JMJD4: variants seen among roughly 807,000 people sequenced by gnomAD.
JMJD4 encodes 2-oxoglutarate and iron-dependent oxygenase JMJD4.
In JMJD4, 34 loss-of-function variants were observed where a neutral mutation model predicts 36.3. That is an observed-to-expected ratio of 0.94 (90% CI 0.71 to 1.25). The LOEUF (loss-of-function observed/expected upper bound fraction) is 1.25. Among genes scored for constraint, JMJD4 ranks in the 50% most tolerant of loss-of-function variants. JMJD4 has a pLI of 0.00. For missense variants in JMJD4, 584 were observed against 559.1 expected, an observed-to-expected ratio of 1.04 and a Z score of -0.45; for synonymous variants, 269 against 235.3, an observed-to-expected ratio of 1.14 and a Z score of -1.31.
chr1:227,733,300 T>C, intron 4 of JMJD4, 114 bp downstream of exon 4: 1 of 1,181,216 alleles, frequency 8.5e-7, no homozygotes, highest in Non-Finnish European at 1.2e-6. Context: ...GGGGTCAGCC[T>C]CACCCATGAG....
rs530396402 is a variant in JMJD4, at chr1:227,734,541, G to A, written c.428+110C>T. 89 of 983,782 alleles carry A rather than the reference G, an allele frequency of 9.0e-5. No homozygotes were observed. The Admixed American group carries it at 1.6e-3, about 18-fold the overall frequency. 60.9% of individuals were successfully genotyped at this position (983,782 alleles called of 1,614,324 possible). ...TTTTAAACTGATTAAAGTGCCTCAC[G>A]GGGAAAAATAGCTCCGTTGTGCACC... On this transcript the variant is annotated intron_variant, in intron 2 of 5. Coordinates refer to ENST00000620518, the MANE Select transcript of JMJD4 (RefSeq NM_023007.3).
Position 227,735,261 on chromosome 1 carries a change from T to C in JMJD4, c.13A>G (p.Thr5Ala). Residue 5 changes from threonine (T) to alanine (A), a missense_variant, in exon 1 of 6, where the codon ACG becomes GCG. Physicochemically the swap from Thr to Ala is moderately conservative, Grantham distance 58 (BLOSUM62 0). Coordinates refer to ENST00000620518, the MANE Select transcript of JMJD4 (RefSeq NM_023007.3). MDRE[T>A]RALADSHFRG... ...AAGTGGCTGTCGGCGAGGGCGCGCGTCTCGCGGTCCATCCAGCTCAGCACG... is the reference window on the plus strand; with the variant it reads ...AAGTGGCTGTCGGCGAGGGCGCGCGCCTCGCGGTCCATCCAGCTCAGCACG... 8 of 1,604,568 alleles carry C rather than the reference T, an allele frequency of 5.0e-6. No individual in the cohort carries two copies. The highest frequency in any genetic ancestry group is 4.0e-5 in the African/African-American group (3 of 74,642).
Position 227,734,680 on chromosome 1 carries a change from A to G in JMJD4, c.399T>C (p.Cys133=), listed in dbSNP as rs1045285416. 1.2e-6 allele frequency: 2 copies of G among 1,613,984 alleles called. No individual in the cohort carries two copies. Among genetic ancestry groups the G allele is most frequent in the African/African-American group, 2.7e-5 (2 of 74,928 alleles). ...IQAGYSSPRG[C]LYLKDWHLCR... ...ACAAGTGCCAGTCTTTGAGGTAGAG[A>G]CAGCCCCTGGGAGAGGAGTAGCCCG... The change falls in exon 2 of 6, where the codon TGT becomes TGC. Residue 133 remains cysteine (C), a synonymous_variant. Transcript: ENST00000620518.
chr1:227,731,486 G>A lies in JMJD4; in HGVS notation c.*906C>T, dbSNP rs1157258935. ...GGACTCTCGGTCAAGGACAGGGCTG[G>A]GAGAGTGCCAGTCTCCACAAACTGT... On this transcript the variant is annotated 3_prime_UTR_variant, in exon 6 of 6. Coordinates refer to ENST00000620518, the MANE Select transcript of JMJD4 (RefSeq NM_023007.3). The A allele has an allele frequency of 6.6e-6, 1 of 152,288 alleles. No individual in the cohort carries two copies. The highest frequency in any genetic ancestry group is 2.4e-5 in the African/African-American group (1 of 41,460). 9.4% of individuals were successfully genotyped at this position (152,288 alleles called of 1,614,324 possible).
Position 227,734,912 on chromosome 1 carries a change from T to A in JMJD4, c.263-96A>T, listed in dbSNP as rs183182046. On this transcript the variant is annotated intron_variant, in intron 1 of 5. Transcript: ENST00000620518. Reference sequence around the variant, plus strand: ...CTCTCCAGGGGCCACGCGCCTGGCCTCCCTCACCCTCCCTGGTGCCCCTCT... The same window carrying A: ...CTCTCCAGGGGCCACGCGCCTGGCCACCCTCACCCTCCCTGGTGCCCCTCT... 795 of 1,530,616 alleles carry A rather than the reference T, an allele frequency of 5.2e-4. 3 individuals carry two copies. The Middle Eastern group carries it at 5.5e-3, about 10-fold the overall frequency. The allele number at this position is 1,530,616 out of a possible 1,614,324, so 94.8% of individuals were successfully genotyped here. A position where few individuals can be genotyped will look rare whatever the true frequency, so the allele number is the denominator to read the frequency against.
Position 227,732,312 on chromosome 1 carries a change from G to C in JMJD4, c.*80C>G. On this transcript the variant is annotated 3_prime_UTR_variant, in exon 6 of 6. Coordinates refer to ENST00000620518, the MANE Select transcript of JMJD4 (RefSeq NM_023007.3). ...AGGGGTGGGCCCCAGGTCACAGGGA[G>C]GGCGGTCTTTATTTCTGGAAGGGCC... 1.3e-6 allele frequency: 2 copies of C among 1,513,930 alleles called. No homozygotes were observed. Among genetic ancestry groups the C allele is most frequent in the Non-Finnish European group, 1.8e-6 (2 of 1,103,844 alleles). The allele number at this position is 1,513,930 out of a possible 1,614,324, so 93.8% of individuals were successfully genotyped here.
In JMJD4 at chr1:227,735,252, G is replaced by A. The variant is rs772131933; in HGVS notation, c.22C>T (p.Leu8Phe). 8.1e-6 allele frequency: 13 copies of A among 1,603,070 alleles called. No individual in the cohort carries two copies. The highest frequency in any genetic ancestry group is 1.3e-5 in the African/African-American group (1 of 74,474). ...AGGCCTCGGAAGTGGCTGTCGGCGA[G>A]GGCGCGCGTCTCGCGGTCCATCCAG... MDRETRA[L>F]ADSHFRGLGV... The change falls in exon 1 of 6, where the codon CTC becomes TTC. Residue 8 changes from leucine (L) to phenylalanine (F), a missense_variant. Physicochemically the swap from Leu to Phe is conservative, Grantham distance 22 (BLOSUM62 0). Transcript: ENST00000620518.
intron 2 of JMJD4, 157 bp downstream of exon 2, chr1:227,734,494 A>T: frequency 1.6e-6 from 1 of 643,360 alleles, no homozygotes; most frequent in African/African-American, 1.8e-5. Flanking sequence ...ACTTGCAGCC[A>T]TGCGGAAGAC....
rs1288864295 is a variant in JMJD4 at position 227,732,890 on chromosome 1, G to A, written c.960C>T (p.His320=). ...EWRDSMPDWH[H]HCQVIMRSCS... ...TGCGTAGCCACCCCACCTGGCAGTGGTGGTGCCAGTCGGGCATGGAGTCCC... is the reference window on the plus strand; with the variant it reads ...TGCGTAGCCACCCCACCTGGCAGTGATGGTGCCAGTCGGGCATGGAGTCCC... The change falls in exon 5 of 6, where the codon CAC becomes CAT. Residue 320 remains histidine (H), a synonymous_variant. Coordinates refer to ENST00000620518, the MANE Select transcript of JMJD4 (RefSeq NM_023007.3). 5.0e-6 allele frequency: 8 copies of A among 1,612,590 alleles called. No individual in the cohort carries two copies. In the East Asian group the frequency reaches 1.3e-4, roughly 27 times the overall value.
intron 1 of JMJD4, 87 bp downstream of exon 1, chr1:227,734,925 C>T (rs1660972101): frequency 1.3e-6 from 2 of 1,527,388 alleles, no homozygotes; most frequent in African/African-American, 1.4e-5. Flanking sequence ...CTCACCCTCC[C>T]TGGTGCCCCT....
Position 227,733,520 on chromosome 1 carries a change from T to C in JMJD4, c.716A>G (p.His239Arg). The C allele has an allele frequency of 6.2e-7, 1 of 1,601,792 alleles. No individual in the cohort carries two copies. The highest frequency in any genetic ancestry group is 8.5e-7 in the Non-Finnish European group (1 of 1,173,770). The stretch of plus-strand genomic sequence containing the variant: ...AGCAAGCTGGTTCCGTGGGTGCAGG[T>C]GTGTGTCGCAGAGTGCTGGGGAGGT... ...DVTSPALCDTHLHPRNQLAGP... is the reference protein window; with the variant it reads ...DVTSPALCDTRLHPRNQLAGP... Residue 239 changes from histidine to arginine, a missense_variant, in exon 4 of 6, where the codon CAC becomes CGC. Coordinates refer to ENST00000620518, the MANE Select transcript of JMJD4 (RefSeq NM_023007.3).
chr1:227,733,597 TG>T lies in JMJD4; in HGVS notation c.638del (p.Pro213GlnfsTer18). On this transcript the variant is annotated frameshift_variant, in exon 4 of 6. Transcript: ENST00000620518. LOFTEE classifies it high-confidence loss of function. ...CGRKKWLLFP[P>X]GQEEALRDRH... ...GGTCCCGCAGGGCCTCTTCCTGCCCTGGGGGGAAGAGGAGCCACTTCTTCCT... is the reference window on the plus strand; with the variant it reads ...GGTCCCGCAGGGCCTCTTCCTGCCCTGGGGGAAGAGGAGCCACTTCTTCCT... The T allele has an allele frequency of 6.2e-7, 1 of 1,607,618 alleles. No individual in the cohort carries two copies. The highest frequency in any genetic ancestry group is 8.5e-7 in the Non-Finnish European group (1 of 1,178,876).
In JMJD4 at chr1:227,735,149, G is replaced by C; in HGVS notation, c.125C>G (p.Ala42Gly). 2 of 1,581,998 alleles carry C rather than the reference G, an allele frequency of 1.3e-6. No individual in the cohort carries two copies. The highest frequency in any genetic ancestry group is 1.7e-6 in the Non-Finnish European group (2 of 1,164,874). ...FVSEPGAFSY[A>G]DFVRGFLLPN... ...CAGCAAGAAGCCCCGCACAAAGTCGGCGTAGGAGAAGGCGCCCGGCTCCGA... is the reference window on the plus strand; with the variant it reads ...CAGCAAGAAGCCCCGCACAAAGTCGCCGTAGGAGAAGGCGCCCGGCTCCGA... The change falls in exon 1 of 6, where the codon GCC (alanine) becomes GGC (glycine). Residue 42 changes from alanine to glycine, a missense_variant. By Grantham distance (60) the Ala-to-Gly change is moderately conservative. Coordinates refer to ENST00000620518, the MANE Select transcript of JMJD4 (RefSeq NM_023007.3).
chr1:227,735,293 A>C lies in JMJD4; in HGVS notation c.-20T>G. 2.5e-6 allele frequency: 4 copies of C among 1,605,766 alleles called. No homozygotes were observed. Among genetic ancestry groups the C allele is most frequent in the Non-Finnish European group, 3.4e-6 (4 of 1,177,750 alleles). ...GTCCATCCAGCTCAGCACGGGTCGA[A>C]GGACCCTCCTCCTCACTTCCGCCGG... On this transcript the variant is annotated 5_prime_UTR_variant, in exon 1 of 6. Coordinates refer to ENST00000620518, the MANE Select transcript of JMJD4 (RefSeq NM_023007.3).
rs755490821 is a variant in JMJD4 at position 227,731,800 on chromosome 1, G to A, written c.*592C>T. ...CACCCCATCTGTGGCCTCTCCAGCTGTCCACAGGCCCTGCAAAGGCAGGGA... is the reference window on the plus strand; with the variant it reads ...CACCCCATCTGTGGCCTCTCCAGCTATCCACAGGCCCTGCAAAGGCAGGGA... On this transcript the variant is annotated 3_prime_UTR_variant, in exon 6 of 6. Transcript: ENST00000620518. The A allele has an allele frequency of 6.3e-6, 1 of 158,818 alleles. No homozygotes were observed. The highest frequency in any genetic ancestry group is 1.4e-5 in the Non-Finnish European group (1 of 71,382). The allele number at this position is 158,818 out of a possible 1,614,324, so 9.8% of individuals were successfully genotyped here.
rs945745047 is a variant in JMJD4 at position 227,732,027 on chromosome 1, A to T, written c.*365T>A. Reference sequence around the variant, plus strand: ...GCCAGGGGTGGTCCAATGGCCTGAGACGAGGGGACAGGGCTGGCCTATTAA... The same window carrying T: ...GCCAGGGGTGGTCCAATGGCCTGAGTCGAGGGGACAGGGCTGGCCTATTAA... On this transcript the variant is annotated 3_prime_UTR_variant, in exon 6 of 6. Transcript: ENST00000620518. 3 of 312,840 alleles carry T rather than the reference A, an allele frequency of 9.6e-6. No homozygotes were observed. Among genetic ancestry groups the T allele is most frequent in the Admixed American group, 4.3e-5 (1 of 23,126 alleles). The allele number at this position is 312,840 out of a possible 1,614,324, so 19.4% of individuals were successfully genotyped here.
Position 227,735,080 on chromosome 1 carries a change from C to A in JMJD4, c.194G>T (p.Trp65Leu). The change falls in exon 1 of 6, where the codon TGG becomes TTG. Residue 65 changes from tryptophan to leucine, a missense_variant. Coordinates refer to ENST00000620518, the MANE Select transcript of JMJD4 (RefSeq NM_023007.3). ...CGTCACCCAGCGCCGCCGGCTGCCC[C>A]AGCCCTGCGTGAAGGCGCTGGAAAA... Reference protein sequence around the residue: ...CVFSSAFTQGWGSRRRWVTPA... With the variant: ...CVFSSAFTQGLGSRRRWVTPA... 2 of 1,571,120 alleles carry A rather than the reference C, an allele frequency of 1.3e-6. No homozygotes were observed. Among genetic ancestry groups the A allele is most frequent in the Non-Finnish European group, 1.7e-6 (2 of 1,159,356 alleles).
In JMJD4 at chr1:227,732,425, C is replaced by T; in HGVS notation, c.1221G>A (p.Leu407=). The change falls in exon 6 of 6, where the codon CTG becomes CTA. Residue 407 remains leucine, a synonymous_variant. Coordinates refer to ENST00000620518, the MANE Select transcript of JMJD4 (RefSeq NM_023007.3). The stretch of plus-strand genomic sequence containing the variant: ...CCGCAGCAGCATCAACAGCCTCTCT[C>T]AGCTGCTGCAGCAGCTCTTTGGGCT... ...SPQPKELLQQ[L]REAVDAAAAP 6.2e-7 allele frequency: 1 copy of T among 1,613,136 alleles called. No individual in the cohort carries two copies. Among genetic ancestry groups the T allele is most frequent in the Middle Eastern group, 1.7e-4 (1 of 5,998 alleles).
intron 2 of JMJD4, chr1:227,734,239 G>T: frequency 1.7e-6 from 1 of 587,400 alleles, no homozygotes. Context: ...CTGCTTATTA[G>T]AAAGTACTGA....
Sources: gnomAD v4.1 joint callset for allele counts on GRCh38, gnomAD v4.1.1 for gene constraint, MANE v1.5 for transcripts, NCBI Gene and HGNC (gene_info 2026-07-23, HGNC 2026-07-21) for gene names.